Variants in SDK1 observed in about 807,000 individuals in gnomAD.
SDK1 encodes protein sidekick-1.
A neutral mutation model predicts 245.5 loss-of-function variants in SDK1; 157 were observed. The ratio of observed to expected loss-of-function variants is 0.64; its 90% CI spans 0.56 to 0.73. SDK1 has a LOEUF of 0.73. Ranked by LOEUF, SDK1 falls within the 30% of genes least tolerant of loss-of-function variation. The pLI is 0.00. For synonymous variants in SDK1, 1,647 were observed against 1,278.5 expected, an observed-to-expected ratio of 1.29 and a Z score of -6.15; for missense variants, 3,583 against 3,002.3, an observed-to-expected ratio of 1.19 and a Z score of -4.52.
At chr7:3,548,560 G>A (rs1779303818) in intron 1 of SDK1, among the ~76,000 whole-genome samples, 1 of 152,192 alleles carries the variant, frequency 6.6e-6, no homozygotes, top group African/African-American at 2.4e-5. Context: ...ACATTGGTAA[G>A]TGGATACATG....
intron 1 of SDK1, among the ~76,000 whole-genome samples, chr7:3,329,310 A>C (rs1026272995): frequency 6.6e-6 from 1 of 152,092 alleles, no homozygotes; most frequent in African/African-American, 2.4e-5. Flanking sequence ...TCTCATTTTG[A>C]TCTCCTTGGG....
At position 3,761,446 on chromosome 7, in the gene SDK1, C is replaced by A. The variant is rs779079578; in HGVS notation, c.714-60004C>A. Among the ~76,000 whole-genome samples the A allele has an allele frequency of 2.0e-5, 3 of 151,060 alleles. No individual in the cohort carries two copies. In the East Asian group the frequency reaches 5.9e-4, roughly 29 times the overall value. On this transcript the variant is annotated intron_variant, in intron 4 of 44. Transcript: ENST00000404826. ...GTGGGCACCTGTAGTCCCAGTTACTCGGAAGGCTGAGGCAGGAGAATGGCC... is the reference window on the plus strand; with the variant it reads ...GTGGGCACCTGTAGTCCCAGTTACTAGGAAGGCTGAGGCAGGAGAATGGCC...
At chr7:3,321,623 C>T (rs1008341195) in intron 1 of SDK1, among the ~76,000 whole-genome samples, 7 of 151,988 alleles carry the variant, frequency 4.6e-5, no homozygotes, top group African/African-American at 7.2e-5. Flanking sequence ...TTCATGTTTT[C>T]GCAAGTTTTT....
At chr7:4,216,128 T>C (rs1784781758) in intron 38 of SDK1, among the ~76,000 whole-genome samples, 1 of 152,182 alleles carries the variant, frequency 6.6e-6, no homozygotes, top group Non-Finnish European at 1.5e-5. Context: ...CTTGGCCTCC[T>C]GAGGCTGGGG....
chr7:3,762,430 A>G (rs1780135836), intron 4 of SDK1, among the ~76,000 whole-genome samples: 1 of 152,232 alleles, frequency 6.6e-6, no homozygotes, highest in Non-Finnish European at 1.5e-5. Flanking sequence ...AAAAGCAAAA[A>G]ACAACAACAA....
At chr7:3,604,292 G>A (rs532778015) in intron 1 of SDK1, among the ~76,000 whole-genome samples, 18 of 152,072 alleles carry the variant, frequency 1.2e-4, no homozygotes, top group Non-Finnish European at 2.4e-4. Context: ...GGTAGAATTC[G>A]GCTGTGAATC....
intron 22 of SDK1, among the ~76,000 whole-genome samples, chr7:4,102,585 C>T (rs1206772372): frequency 6.6e-6 from 1 of 152,184 alleles, no homozygotes; most frequent in Non-Finnish European, 1.5e-5. Context: ...AGGTTAATGA[C>T]TCTCCTCTGA....
intron 1 of SDK1, among the ~76,000 whole-genome samples, chr7:3,356,745 G>T (rs144842463): frequency 1.3e-5 from 2 of 151,882 alleles, no homozygotes; most frequent in African/African-American, 4.8e-5. Flanking sequence ...AGATCCCTGC[G>T]TTCTTTTGTA....
intron 1 of SDK1, among the ~76,000 whole-genome samples, chr7:3,615,714 G>A (rs924931624): frequency 4.6e-5 from 7 of 151,530 alleles, no homozygotes; most frequent in Non-Finnish European, 1.0e-4. Flanking sequence ...ATCTATCACT[G>A]AATCTTTTTC....
intron 4 of SDK1, among the ~76,000 whole-genome samples, chr7:3,759,766 T>A: frequency 6.6e-6 from 1 of 152,040 alleles, no homozygotes; most frequent in East Asian, 1.9e-4. Flanking sequence ...TAATTTTTTG[T>A]ATTTTTAGCA....
intron 21 of SDK1, among the ~76,000 whole-genome samples, 200 bp from the exon 22 acceptor site, chr7:4,079,263 C>A (rs1298422405): frequency 1.3e-5 from 2 of 152,220 alleles, no homozygotes; most frequent in Non-Finnish European, 2.9e-5. Context: ...ACTGGGTCAC[C>A]CCATTAAAGC....
intron 4 of SDK1, among the ~76,000 whole-genome samples, chr7:3,784,984 A>C (rs1780854576): frequency 1.3e-5 from 2 of 152,234 alleles, no homozygotes; most frequent in Admixed American, 1.3e-4. Flanking sequence ...TGGGTAAAGA[A>C]AACGTGGTAC....
At chr7:4,232,384 C>T (rs28635692) in intron 40 of SDK1, among the ~76,000 whole-genome samples, 180 of 92,176 alleles carry the variant, frequency 2.0e-3, no homozygotes, top group South Asian at 2.5e-3. Flanking sequence ...TTCCTTTTTT[C>T]TTTTTTTCTT....
In SDK1 at chr7:4,091,682, A is replaced by C. The variant is rs117237997; in HGVS notation, c.3324+12098A>C. On this transcript the variant is annotated intron_variant, in intron 22 of 44. Coordinates refer to ENST00000404826, the MANE Select transcript of SDK1 (RefSeq NM_152744.4). ...TTTTAACAATGATGAATGAGCAGGC[A>C]TCTCTTTAAACACCTTCTGAGGGTG... Among the ~76,000 whole-genome samples, 225 of 152,202 alleles carry C rather than the reference A, an allele frequency of 1.5e-3. 3 individuals are homozygous for C. The East Asian group carries it at 0.041, about 28-fold the overall frequency.
intron 4 of SDK1, among the ~76,000 whole-genome samples, chr7:3,708,333 C>G (rs1042526362): frequency 2.2e-5 from 3 of 135,492 alleles, no homozygotes; most frequent in African/African-American, 8.3e-5. Context: ...TTACCTCCCA[C>G]CAGGCCCTCC....
chr7:3,682,584 C>T (rs1022419790), intron 4 of SDK1, among the ~76,000 whole-genome samples: 5 of 6,794 alleles, frequency 7.4e-4, no homozygotes, highest in East Asian at 3.2e-3. Context: ...TTCAGCACGG[C>T]TGGCCTCTCC....
chr7:4,049,537 C>A, intron 18 of SDK1, 74 bp downstream of exon 18: 1 of 1,130,604 alleles, frequency 8.8e-7, no homozygotes, highest in South Asian at 1.3e-5. Context: ...GCTGGAGGCA[C>A]CCCCTCTTGT....
chr7:3,347,568 C>A (rs925440390), intron 1 of SDK1, among the ~76,000 whole-genome samples: 18 of 152,158 alleles, frequency 1.2e-4, no homozygotes, highest in Non-Finnish European at 4.4e-5. Flanking sequence ...CTCCCTGTTT[C>A]ATTTCTGACC....
chr7:4,132,348 G>T lies in SDK1; in HGVS notation c.4153G>T (p.Val1385Leu), dbSNP rs768369872. Residue 1385 changes from valine to leucine, a missense_variant, in exon 28 of 45, where the codon GTG becomes TTG. By Grantham distance (32) the Val-to-Leu change is conservative. Coordinates refer to ENST00000404826, the MANE Select transcript of SDK1 (RefSeq NM_152744.4). ...AGCCCCAGGCCCACCAGTGAGGCTCGTGTTCCCCGAAGTGAGACTCACCTC... is the reference window on the plus strand; with the variant it reads ...AGCCCCAGGCCCACCAGTGAGGCTCTTGTTCCCCGAAGTGAGACTCACCTC... ...DDAPGPPVRL[V>L]FPEVRLTSVR... is the part of the protein sequence containing the mutation. 3 of 1,612,100 alleles carry T rather than the reference G, an allele frequency of 1.9e-6. No homozygotes were observed. The highest frequency in any genetic ancestry group is 1.3e-5 in the African/African-American group (1 of 74,904).
Sources: gnomAD v4.1 joint callset for allele counts (sites outside exome capture counted in the v4.1 genomes callset) on GRCh38, gnomAD v4.1.1 for gene constraint, MANE v1.5 for transcripts, NCBI Gene and HGNC (gene_info 2026-07-23, HGNC 2026-07-21) for gene names.